FOXP1: variants seen among roughly 807,000 people sequenced by gnomAD.
FOXP1 encodes the protein forkhead box protein P1.
FOXP1 carries 15 observed loss-of-function variants against 98.2 expected under a neutral mutation model. The observed-to-expected ratio is 0.15, with a 90% CI of 0.10 to 0.24. The LOEUF (loss-of-function observed/expected upper bound fraction) is 0.24, where lower values mean the gene tolerates loss of function less well. Among genes scored for constraint, FOXP1 ranks in the 10% least tolerant of loss-of-function variants. FOXP1 has a pLI of 1.00. For synonymous variants in FOXP1, 371 were observed against 314.5 expected, an observed-to-expected ratio of 1.18 and a Z score of -1.90; for missense variants, 633 against 848.5, an observed-to-expected ratio of 0.75 and a Z score of 3.15.
intron 3 of FOXP1, among the ~76,000 whole-genome samples, chr3:71,437,329 C>A (rs1341189998): frequency 2.0e-5 from 3 of 152,146 alleles, no homozygotes; most frequent in South Asian, 2.1e-4. Flanking sequence ...ATCGCTTGAA[C>A]CTGGGAAGTT....
At chr3:71,253,270 C>T (rs891519103) in intron 5 of FOXP1, among the ~76,000 whole-genome samples, 4 of 152,130 alleles carry the variant, frequency 2.6e-5, no homozygotes, top group African/African-American at 9.7e-5. Flanking sequence ...GACAGCTGGG[C>T]ATGTATCTTA....
intron 3 of FOXP1, among the ~76,000 whole-genome samples, chr3:71,486,769 G>A (rs2090681844): frequency 6.6e-6 from 1 of 152,144 alleles, no homozygotes; most frequent in African/African-American, 2.4e-5. Context: ...CTTTGCTTCT[G>A]TGCATTACTT....
intron 3 of FOXP1, among the ~76,000 whole-genome samples, chr3:71,416,612 T>C (rs796102459): frequency 6.7e-5 from 10 of 149,842 alleles, no homozygotes; most frequent in African/African-American, 2.0e-4. Flanking sequence ...AAATGACGTA[T>C]GGTCAGATAG....
At chr3:71,369,366 G>A (rs959110666) in intron 3 of FOXP1, among the ~76,000 whole-genome samples, 1 of 152,042 alleles carries the variant, frequency 6.6e-6, no homozygotes, top group Admixed American at 6.5e-5. Flanking sequence ...CTCCAGCCTG[G>A]GCAACAGAAC....
intron 6 of FOXP1, among the ~76,000 whole-genome samples, chr3:71,154,378 T>C (rs1260036881): frequency 1.3e-5 from 2 of 152,222 alleles, no homozygotes; most frequent in African/African-American, 2.4e-5. Flanking sequence ...CAGACTGTAA[T>C]GTGCCTGGGA....
intron 2 of FOXP1, among the ~76,000 whole-genome samples, chr3:71,495,628 A>C (rs2091355153): frequency 6.6e-6 from 1 of 152,202 alleles, no homozygotes; most frequent in Non-Finnish European, 1.5e-5. Flanking sequence ...CTTACAACAA[A>C]GTTCTTAGCA....
rs1009129976 is a variant in FOXP1, at chr3:71,241,633, G to A, written c.-11-43241C>T. ...CTTATAAGAGAGGGGCTGAAAAGGAGCTGTGTGAAAAGAAGTGGAAAATTA... is the reference window on the plus strand; with the variant it reads ...CTTATAAGAGAGGGGCTGAAAAGGAACTGTGTGAAAAGAAGTGGAAAATTA... On this transcript the variant is annotated intron_variant, in intron 5 of 20. Transcript: ENST00000649528. 4.3e-4 allele frequency among the ~76,000 whole-genome samples: 66 copies of A among 152,216 alleles called. 1 individual carries two copies. Among genetic ancestry groups the A allele is most frequent in the African/African-American group, 1.5e-3 (64 of 41,452 alleles).
chr3:71,160,354 G>GC (rs1396985306), intron 6 of FOXP1, among the ~76,000 whole-genome samples: 1 of 152,190 alleles, frequency 6.6e-6, no homozygotes, highest in Admixed American at 6.5e-5. Context: ...GATTCTAAAT[G>GC]CAAGAGAAAA....
intron 5 of FOXP1, among the ~76,000 whole-genome samples, chr3:71,259,280 G>C (rs1424946548): frequency 6.6e-6 from 1 of 152,220 alleles, no homozygotes; most frequent in Non-Finnish European, 1.5e-5. Flanking sequence ...GTGTGACCTT[G>C]CAGAGCTCAC....
At chr3:71,160,496 T>C (rs530366163) in intron 6 of FOXP1, among the ~76,000 whole-genome samples, 1 of 152,342 alleles carries the variant, frequency 6.6e-6, no homozygotes, top group South Asian at 2.1e-4. Context: ...AAACCACTGT[T>C]GGCGTTAAGT....
At chr3:71,282,339 G>T (rs975806523) in intron 5 of FOXP1, among the ~76,000 whole-genome samples, 1 of 151,334 alleles carries the variant, frequency 6.6e-6, no homozygotes, top group African/African-American at 2.4e-5. Flanking sequence ...TTCCTATTAG[G>T]CTCTCCTTAA....
intron 2 of FOXP1, among the ~76,000 whole-genome samples, chr3:71,537,776 C>G (rs765299012): frequency 5.3e-5 from 8 of 152,246 alleles, no homozygotes; most frequent in Non-Finnish European, 1.2e-4. Flanking sequence ...TGGCAAACTA[C>G]TAGCCTGTAG....
chr3:71,168,520 G>A (rs2108198118), intron 6 of FOXP1, among the ~76,000 whole-genome samples: 1 of 152,296 alleles, frequency 6.6e-6, no homozygotes, highest in East Asian at 1.9e-4. Context: ...TCTAAGTGAC[G>A]TACTGTTTTC....
intron 2 of FOXP1, among the ~76,000 whole-genome samples, chr3:71,505,677 G>A (rs898934569): frequency 5.3e-5 from 8 of 151,902 alleles, no homozygotes; most frequent in Admixed American, 3.3e-4. Context: ...TGCCTGCCTC[G>A]GCCTCCCAAA....
At chr3:71,260,204 C>T (rs903054406) in intron 5 of FOXP1, among the ~76,000 whole-genome samples, 1 of 152,136 alleles carries the variant, frequency 6.6e-6, no homozygotes, top group Non-Finnish European at 1.5e-5. Flanking sequence ...AGGATGGTCG[C>T]GATCTCCTGA....
At chr3:71,194,701 T>C (rs2108359185) in intron 6 of FOXP1, among the ~76,000 whole-genome samples, 1 of 152,102 alleles carries the variant, frequency 6.6e-6, no homozygotes, top group East Asian at 1.9e-4. Context: ...GCAGGGATAA[T>C]AGGAAATAAA....
intron 7 of FOXP1, among the ~76,000 whole-genome samples, chr3:71,062,195 T>C (rs2051606223): frequency 6.6e-6 from 1 of 152,198 alleles, no homozygotes. Context: ...TCTGATGATT[T>C]ATGGTTTACC....
chr3:71,219,231 C>G (rs1156619539), intron 5 of FOXP1, among the ~76,000 whole-genome samples: 3 of 152,152 alleles, frequency 2.0e-5, no homozygotes, highest in East Asian at 3.8e-4. Flanking sequence ...AAATGCAACT[C>G]CTAGTCTGGC....
Position 71,558,420 on chromosome 3 carries a change from T to A in FOXP1, c.-298+23129A>T, listed in dbSNP as rs531813268. Among the ~76,000 whole-genome samples the A allele has an allele frequency of 5.9e-5, 9 of 152,316 alleles. 1 individual carries two copies. The highest frequency in any genetic ancestry group is 2.2e-4 in the African/African-American group (9 of 41,586). On this transcript the variant is annotated intron_variant, in intron 2 of 20. Coordinates refer to ENST00000649528, the MANE Select transcript of FOXP1 (RefSeq NM_001349338.3). ...CAGGAATAAGCAATTCGGGCTAAGA[T>A]GGCAGAAAGTTTTCTAGGAGGCTGA...
Sources: allele counts gnomAD v4.1 joint callset (sites outside exome capture counted in the v4.1 genomes callset), GRCh38; gene constraint gnomAD v4.1.1; transcripts MANE v1.5; gene names NCBI Gene and HGNC (gene_info 2026-07-23, HGNC 2026-07-21).